SRP9: variants seen among roughly 807,000 people sequenced by gnomAD.
SRP9 encodes the protein signal recognition particle 9, also known as signal recognition particle 9 kDa protein.
Under a neutral mutation model 11.7 loss-of-function variants are expected in SRP9, and 2 were observed. The observed-to-expected ratio is 0.17, with a 90% confidence interval of 0.07 to 0.54. The LOEUF (loss-of-function observed/expected upper bound fraction) is 0.54. Ranked by LOEUF, SRP9 falls within the 20% of genes least tolerant of loss-of-function variation. SRP9 has a pLI of 0.94. For synonymous variants in SRP9, 27 were observed against 35.6 expected, an observed-to-expected ratio of 0.76 and a Z score of 0.86; for missense variants, 54 against 108.1, an observed-to-expected ratio of 0.50 and a Z score of 2.22.
intron 2 of SRP9, among the ~76,000 whole-genome samples, chr1:225,787,749 G>C (rs1249643118): frequency 6.6e-6 from 1 of 152,118 alleles, no homozygotes; most frequent in African/African-American, 2.4e-5. Flanking sequence ...TTTTCTGTCA[G>C]AAATTTCAGT....
chr1:225,784,229 C>CTTTTTTTTTTTT lies in SRP9; in HGVS notation c.141+885_141+896dup, dbSNP rs561503475. Among the ~76,000 whole-genome samples the CTTTTTTTTTTTT allele has an allele frequency of 8.7e-5, 3 of 34,458 alleles. 1 individual carries two copies. The highest frequency in any genetic ancestry group is 1.5e-4 in the Non-Finnish European group (3 of 19,846). 22.6% of individuals were successfully genotyped at this position (34,458 alleles called of 152,430 possible). ...TCTACAGTGGAGTTTATCACCTGTT[C>CTTTTTTTTTTTT]TTTTTTTTTTTTTTTTTTTTTTTTT... is the stretch of plus-strand genomic sequence containing the variant. On this transcript the variant is annotated intron_variant, in intron 2 of 2. Transcript: ENST00000304786.
At chr1:225,785,176 T>G (rs1000484206) in intron 2 of SRP9, among the ~76,000 whole-genome samples, 2 of 151,414 alleles carry the variant, frequency 1.3e-5, no homozygotes, top group African/African-American at 4.9e-5. Flanking sequence ...GTTCAAGTGA[T>G]TCTCCTGCCT....
Position 225,783,284 on chromosome 1 carries a change from T to C in SRP9, c.73-16T>C, listed in dbSNP as rs367923135. 5.5e-5 allele frequency: 88 copies of C among 1,595,168 alleles called. No individual in the cohort carries two copies. The African/African-American group carries it at 8.6e-4, about 16-fold the overall frequency. ...CATTTGTCTTCACTGTTTCTAAATA[T>C]GTATTTTTGTTTCAGGCACGTGTGG... On this transcript the variant is annotated splice_polypyrimidine_tract_variant and intron_variant, in intron 1 of 2. Transcript: ENST00000304786.
intron 1 of SRP9, among the ~76,000 whole-genome samples, chr1:225,781,329 T>C (rs17571004): frequency 0.35 from 53,390 of 150,846 alleles, 9,960 homozygotes; most frequent in East Asian, 0.63. Context: ...CATGGTGACT[T>C]GGCACCCTCT....
intron 2 of SRP9, among the ~76,000 whole-genome samples, chr1:225,784,226 G>GTTT (rs1665852659): frequency 2.3e-5 from 1 of 42,558 alleles, no homozygotes; most frequent in African/African-American, 9.4e-5. Context: ...TTTATCACCT[G>GTTT]TTCTTTTTTT....
chr1:225,785,962 A>G (rs141497707), intron 2 of SRP9, among the ~76,000 whole-genome samples: 313 of 152,368 alleles, frequency 2.1e-3, no homozygotes, highest in African/African-American at 7.3e-3. Context: ...CTGGGATTAC[A>G]GGTGTGATCC....
chr1:225,786,483 G>T (rs1036186811), intron 2 of SRP9, among the ~76,000 whole-genome samples: 2 of 152,136 alleles, frequency 1.3e-5, no homozygotes, highest in Non-Finnish European at 2.9e-5. Flanking sequence ...GTCATATATT[G>T]TATTTGTGTT....
At chr1:225,778,902 A>G (rs540339932) in intron 1 of SRP9, among the ~76,000 whole-genome samples, 14 of 152,320 alleles carry the variant, frequency 9.2e-5, no homozygotes, top group African/African-American at 3.4e-4. Flanking sequence ...TGTTTGTTGT[A>G]ACTCAGTTAT....
At chr1:225,781,649 C>A (rs981070239) in intron 1 of SRP9, among the ~76,000 whole-genome samples, 1 of 152,018 alleles carries the variant, frequency 6.6e-6, no homozygotes, top group African/African-American at 2.4e-5. Context: ...TGAACTCCTG[C>A]CCTCCCAAAG....
At chr1:225,788,249 G>T (rs1665955903) in intron 2 of SRP9, among the ~76,000 whole-genome samples, 1 of 151,952 alleles carries the variant, frequency 6.6e-6, no homozygotes, top group African/African-American at 2.4e-5. Context: ...AGAAAAATTA[G>T]CTAGGTGTGG....
At chr1:225,785,128 G>A (rs1665879408) in intron 2 of SRP9, among the ~76,000 whole-genome samples, 1 of 151,894 alleles carries the variant, frequency 6.6e-6, no homozygotes, top group Non-Finnish European at 1.5e-5. Context: ...CTGGAGTGCA[G>A]TGGGCGATCT....
rs150777864 is a variant in SRP9 at position 225,788,726 on chromosome 1, A to G, written c.142-514A>G. ...ACCACGCCTGGCCAAGAAAATCAAG[A>G]TTTACCTGGTTTATGTGTTGACCAG... On this transcript the variant is annotated intron_variant, in intron 2 of 2. Coordinates refer to ENST00000304786, the MANE Select transcript of SRP9 (RefSeq NM_003133.6). Among the ~76,000 whole-genome samples the G allele has an allele frequency of 2.2e-3, 335 of 152,286 alleles. 3 individuals are homozygous for G. Among genetic ancestry groups the G allele is most frequent in the South Asian group, 0.014 (69 of 4,830 alleles).
intron 2 of SRP9, among the ~76,000 whole-genome samples, chr1:225,784,914 G>A (rs546266027): frequency 5.3e-5 from 8 of 152,062 alleles, no homozygotes; most frequent in South Asian, 4.2e-4. Context: ...TATTTTCCAC[G>A]TGGTCAGAAA....
rs143307830 is a variant in SRP9 at position 225,779,878 on chromosome 1, A to G, written c.72+1866A>G. On this transcript the variant is annotated intron_variant, in intron 1 of 2. Transcript: ENST00000304786. Reference sequence around the variant, plus strand: ...AGTACCCACAGTATAAACTAAAAATACTTGAGACAACAGTAAAGAATATAT... The same window carrying G: ...AGTACCCACAGTATAAACTAAAAATGCTTGAGACAACAGTAAAGAATATAT... 5.1e-4 allele frequency among the ~76,000 whole-genome samples: 78 copies of G among 152,366 alleles called. 1 individual carries two copies. The highest frequency in any genetic ancestry group is 7.7e-4 in the East Asian group (4 of 5,196).
intron 2 of SRP9, chr1:225,789,035 A>G: frequency 6.4e-7 from 1 of 1,550,910 alleles, no homozygotes; most frequent in Non-Finnish European, 8.7e-7. Flanking sequence ...TGTCCACAGC[A>G]GTGGCATTTA....
rs112738373 is a variant in SRP9, at chr1:225,784,658, G to A, written c.141+1290G>A. 1.9e-3 allele frequency among the ~76,000 whole-genome samples: 295 copies of A among 151,794 alleles called. 4 individuals carry two copies. The highest frequency in any genetic ancestry group is 6.7e-3 in the African/African-American group (276 of 41,470). On this transcript the variant is annotated intron_variant, in intron 2 of 2. Transcript: ENST00000304786. ...AGATCGAGACCATCCTGGCTAACAC[G>A]GTGAAACCCCATCTCTACTAAAAAT...
Position 225,778,137 on chromosome 1 carries a change from C to T in SRP9, c.72+125C>T, listed in dbSNP as rs1665720674. ...TGGGAATGAACACAAATGGACCCTG[C>T]CAAGTTAATGTTCTGCTCTCTCGTC... On this transcript the variant is annotated intron_variant, in intron 1 of 2. Transcript: ENST00000304786. 2.9e-6 allele frequency: 3 copies of T among 1,047,330 alleles called. No individual in the cohort carries two copies. The South Asian group carries it at 4.5e-5, about 16-fold the overall frequency. The allele number at this position is 1,047,330 out of a possible 1,614,324, so 64.9% of individuals were successfully genotyped here.
chr1:225,784,492 A>G (rs1025104068), intron 2 of SRP9, among the ~76,000 whole-genome samples: 5 of 148,426 alleles, frequency 3.4e-5, no homozygotes, highest in African/African-American at 1.2e-4. Context: ...CTCGTGATCC[A>G]CCCGTCTCGG....
In SRP9 at chr1:225,785,368, C is replaced by T. The variant is rs1301219004; in HGVS notation, c.141+2000C>T. On this transcript the variant is annotated intron_variant, in intron 2 of 2. Coordinates refer to ENST00000304786, the MANE Select transcript of SRP9 (RefSeq NM_003133.6). ...CTGAGATTACAGGGGTGAGCCACTG[C>T]GCCTGGCCTTTTCTTTTTATTTGTT... Among the ~76,000 whole-genome samples the T allele has an allele frequency of 6.7e-5, 10 of 149,316 alleles. No homozygotes were observed. The South Asian group carries it at 8.5e-4, about 13-fold the overall frequency.
Sources: gnomAD v4.1 joint callset for allele counts (sites outside exome capture counted in the v4.1 genomes callset) on GRCh38, gnomAD v4.1.1 for gene constraint, MANE v1.5 for transcripts, NCBI Gene and HGNC (gene_info 2026-07-23, HGNC 2026-07-21) for gene names.